Variants in ARHGAP24 observed in about 807,000 individuals in gnomAD.
ARHGAP24 encodes the protein Rho GTPase activating protein 24.
ARHGAP24 carries 50 observed loss-of-function variants against 76.4 expected under a neutral mutation model. That is an observed-to-expected ratio of 0.65 (90% CI 0.52 to 0.83). ARHGAP24 has a LOEUF of 0.83. ARHGAP24 is among the 40% of genes least tolerant of loss of function. The probability of loss-of-function intolerance (pLI) is 0.00; values close to 1 mark genes in which losing one functional copy is unlikely to be tolerated. For synonymous variants in ARHGAP24, 345 were observed against 323.3 expected, an observed-to-expected ratio of 1.07 and a Z score of -0.72; for missense variants, 930 against 914.2, an observed-to-expected ratio of 1.02 and a Z score of -0.22.
At chr4:85,492,851 T>C (rs1043240793) in intron 1 of ARHGAP24, among the ~76,000 whole-genome samples, 1 of 152,240 alleles carries the variant, frequency 6.6e-6, no homozygotes, top group African/African-American at 2.4e-5. Flanking sequence ...CTGTAGTTGT[T>C]ATTCAAATTT....
At chr4:85,536,300 A>G (rs954622740) in intron 1 of ARHGAP24, among the ~76,000 whole-genome samples, 1 of 152,156 alleles carries the variant, frequency 6.6e-6, no homozygotes, top group Non-Finnish European at 1.5e-5. Flanking sequence ...CCTTCTTCTC[A>G]GGGAGGTCAA....
chr4:85,551,574 TCTC>T lies in ARHGAP24; in HGVS notation c.-20-18944_-20-18942del, dbSNP rs369251636. Among the ~76,000 whole-genome samples the T allele has an allele frequency of 3.7e-3, 557 of 152,320 alleles. 1 individual carries two copies. The highest frequency in any genetic ancestry group is 5.9e-3 in the Non-Finnish European group (400 of 68,016). ...TAGAATGAGTTGGAGAGGAGTTCCT[TCTC>T]CTCAAATTTTTGGAATAGTTTCAAT... On this transcript the variant is annotated intron_variant, in intron 1 of 9. Transcript: ENST00000395184.
intron 2 of ARHGAP24, among the ~76,000 whole-genome samples, chr4:85,620,901 T>A (rs1444195125): frequency 6.6e-6 from 1 of 152,072 alleles, no homozygotes. Context: ...TAGTACCCAA[T>A]AGGTAGTTTT....
At chr4:85,729,893 C>G (rs566932709) in intron 3 of ARHGAP24, among the ~76,000 whole-genome samples, 4 of 151,976 alleles carry the variant, frequency 2.6e-5, no homozygotes, top group Admixed American at 1.3e-4. Flanking sequence ...GTTTGCTGAC[C>G]CCTGGGCTAG....
At chr4:85,946,431 A>G (rs1466463365) in intron 5 of ARHGAP24, among the ~76,000 whole-genome samples, 1 of 152,220 alleles carries the variant, frequency 6.6e-6, no homozygotes, top group African/African-American at 2.4e-5. Flanking sequence ...TAACCCAAGT[A>G]GTGAGCGTAG....
intron 4 of ARHGAP24, among the ~76,000 whole-genome samples, chr4:85,934,567 T>A (rs1258231443): frequency 6.6e-6 from 1 of 152,178 alleles, no homozygotes; most frequent in Non-Finnish European, 1.5e-5. Flanking sequence ...GAGGCTGGAG[T>A]GCGGTGGTGA....
chr4:85,935,473 TACAAA>T (rs1736579366), intron 4 of ARHGAP24, among the ~76,000 whole-genome samples: 1 of 152,200 alleles, frequency 6.6e-6, no homozygotes, highest in East Asian at 1.9e-4. Flanking sequence ...CTTTGAAAGT[TACAAA>T]AAGACATTTT....
At chr4:85,726,938 GTA>G (rs1725190157) in intron 3 of ARHGAP24, among the ~76,000 whole-genome samples, 1 of 152,152 alleles carries the variant, frequency 6.6e-6, no homozygotes, top group Admixed American at 6.5e-5. Context: ...GGAGGCCGAG[GTA>G]GGGGTATCAC....
At chr4:85,955,545 G>A (rs369557201) in intron 5 of ARHGAP24, among the ~76,000 whole-genome samples, 7 of 152,084 alleles carry the variant, frequency 4.6e-5, no homozygotes, top group Admixed American at 1.3e-4. Context: ...AACCCTTGTC[G>A]TTCCTTGGCT....
At chr4:85,842,815 C>T (rs549460751) in intron 3 of ARHGAP24, among the ~76,000 whole-genome samples, 16 of 152,296 alleles carry the variant, frequency 1.1e-4, no homozygotes, top group Admixed American at 2.6e-4. Context: ...GTTTATTGAA[C>T]GTCTACTCTG....
chr4:85,625,123 G>C (rs1454251992), intron 2 of ARHGAP24, among the ~76,000 whole-genome samples: 3 of 152,050 alleles, frequency 2.0e-5, no homozygotes, highest in African/African-American at 7.2e-5. Flanking sequence ...GCTTTTGAAT[G>C]TGTTTGCTCT....
chr4:85,951,970 T>C (rs892160472), intron 5 of ARHGAP24, among the ~76,000 whole-genome samples: 7 of 130,836 alleles, frequency 5.4e-5, no homozygotes, highest in Non-Finnish European at 9.9e-5. Context: ...TTATTTAATT[T>C]AATACCATAA....
chr4:85,932,852 C>T (rs1212367312), intron 4 of ARHGAP24, among the ~76,000 whole-genome samples: 2 of 152,192 alleles, frequency 1.3e-5, no homozygotes, highest in African/African-American at 2.4e-5. Flanking sequence ...TGAAGTGCTG[C>T]GTGCCCACAG....
At chr4:85,799,158 C>A (rs77452890) in intron 3 of ARHGAP24, among the ~76,000 whole-genome samples, 7,572 of 152,078 alleles carry the variant, frequency 0.05, 634 homozygotes, top group East Asian at 0.4. Flanking sequence ...TGTGAGGCCC[C>A]AGTAACAGTG....
chr4:85,710,470 T>A (rs1244089418), intron 2 of ARHGAP24, among the ~76,000 whole-genome samples: 1 of 152,032 alleles, frequency 6.6e-6, no homozygotes, highest in East Asian at 1.9e-4. Flanking sequence ...ACAAATGGGA[T>A]CTAATTAAAC....
intron 2 of ARHGAP24, among the ~76,000 whole-genome samples, chr4:85,674,873 G>A (rs979335699): frequency 6.6e-6 from 1 of 152,144 alleles, no homozygotes; most frequent in African/African-American, 2.4e-5. Context: ...AGTTCCTTAT[G>A]GATTATGGGG....
At chr4:85,818,226 C>A (rs1394758903) in intron 3 of ARHGAP24, among the ~76,000 whole-genome samples, 1 of 152,156 alleles carries the variant, frequency 6.6e-6, no homozygotes, top group East Asian at 1.9e-4. Flanking sequence ...CTGGCTTCAC[C>A]TGGTTCCACA....
chr4:85,942,436 C>G, intron 5 of ARHGAP24, 163 bp downstream of exon 5: 1 of 805,530 alleles, frequency 1.2e-6, no homozygotes, highest in South Asian at 1.8e-5. Flanking sequence ...GTTACAAAGT[C>G]AAAAATTGGG....
chr4:85,614,043 T>C (rs1157688061), intron 2 of ARHGAP24, among the ~76,000 whole-genome samples: 1 of 152,222 alleles, frequency 6.6e-6, no homozygotes, highest in Non-Finnish European at 1.5e-5. Context: ...TTTCATTTTC[T>C]TTTTATTATG....
Sources: allele counts gnomAD v4.1 joint callset (sites outside exome capture counted in the v4.1 genomes callset), GRCh38; gene constraint gnomAD v4.1.1; transcripts MANE v1.5; gene names NCBI Gene and HGNC (gene_info 2026-07-23, HGNC 2026-07-21).